CHD1L: variants seen among roughly 807,000 people sequenced by gnomAD.
CHD1L encodes the protein chromodomain helicase DNA binding protein 1 like.
Under a neutral mutation model 115.9 loss-of-function variants are expected in CHD1L, and 118 were observed. That is an observed-to-expected ratio of 1.02 (90% CI 0.88 to 1.19). CHD1L has a LOEUF of 1.19. Among genes scored for constraint, CHD1L ranks in the 50% most tolerant of loss-of-function variants. CHD1L has a pLI of 0.00. For synonymous variants in CHD1L, 411 were observed against 387.1 expected, an observed-to-expected ratio of 1.06 and a Z score of -0.72; for missense variants, 1,179 against 1,065.3, an observed-to-expected ratio of 1.11 and a Z score of -1.49.
chr1:147,281,417 A>G (rs587727374), intron 15 of CHD1L, among the ~76,000 whole-genome samples: 1 of 152,130 alleles, frequency 6.6e-6, no homozygotes, highest in East Asian at 1.9e-4. Flanking sequence ...TGAAGTGTGT[A>G]ATATTTTCTG....
the CHD1L span, among the ~76,000 whole-genome samples, chr1:147,219,722 G>A: frequency 1.3e-5 from 2 of 150,096 alleles, no homozygotes; most frequent in East Asian, 3.9e-4. Flanking sequence ...GACCGTCTAT[G>A]TAGAAAATCC....
At chr1:147,292,197 C>T (rs1685793821) in intron 20 of CHD1L, among the ~76,000 whole-genome samples, 1 of 152,336 alleles carries the variant, frequency 6.6e-6, no homozygotes, top group African/African-American at 2.4e-5. Flanking sequence ...TAAACATTTA[C>T]TGCATGAGTA....
the CHD1L span, among the ~76,000 whole-genome samples, chr1:147,233,368 G>GT: frequency 6.6e-6 from 1 of 151,280 alleles, no homozygotes; most frequent in Admixed American, 6.6e-5. Context: ...CGTCCGGGAG[G>GT]GAGGTGGGGG....
At chr1:147,294,079 AC>A (rs1686646121) in intron 21 of CHD1L, among the ~76,000 whole-genome samples, 1 of 152,220 alleles carries the variant, frequency 6.6e-6, no homozygotes, top group African/African-American at 2.4e-5. Context: ...CAGTTCTTCG[AC>A]AAAAATTGAG....
At chr1:147,280,246 A>C (rs2102824090) in intron 15 of CHD1L, 55 bp downstream of exon 15, 2,984 of 1,478,292 alleles carry the variant, frequency 2.0e-3, no homozygotes, top group Non-Finnish European at 2.5e-3. Flanking sequence ...GCTAGAGCTC[A>C]CGTCCCCATG....
chr1:147,237,287 G>A, the CHD1L span, among the ~76,000 whole-genome samples: 1 of 152,154 alleles, frequency 6.6e-6, no homozygotes, highest in Non-Finnish European at 1.5e-5. Context: ...CCCCAAGAGT[G>A]CAGAGATGCC....
chr1:147,287,129 T>C (rs2102936516), intron 18 of CHD1L, among the ~76,000 whole-genome samples: 1 of 152,364 alleles, frequency 6.6e-6, no homozygotes, highest in South Asian at 2.1e-4. Flanking sequence ...CTGCTGTGAC[T>C]GTGGTGCCTA....
the CHD1L span, chr1:147,186,881 G>C: frequency 6.3e-7 from 1 of 1,595,504 alleles, no homozygotes; most frequent in Non-Finnish European, 8.5e-7. Flanking sequence ...TGAAAAACAG[G>C]GCAGTGACAA....
At chr1:147,190,048 T>C in the CHD1L span, 1 of 596,866 alleles carries the variant, frequency 1.7e-6, no homozygotes, top group East Asian at 2.9e-5. Flanking sequence ...CAAATTATTT[T>C]TCCTTTTTTC....
Position 147,242,891 on chromosome 1 carries a change from G to A in CHD1L, c.127+61G>A, listed in dbSNP as rs1372086458. ...CCAACCTATTGGGACTGCCTCTTGC[G>A]GGCCGGGGGCGCAGCGGGTGGGCCG... On this transcript the variant is annotated intron_variant, in intron 1 of 22. Coordinates refer to ENST00000369258, the MANE Select transcript of CHD1L (RefSeq NM_004284.6). 4 of 1,242,162 alleles carry A rather than the reference G, an allele frequency of 3.2e-6. No homozygotes were observed. In the East Asian group the frequency reaches 9.4e-5, roughly 29 times the overall value. 76.9% of individuals were successfully genotyped at this position (1,242,162 alleles called of 1,614,324 possible). A position where few individuals can be genotyped will look rare whatever the true frequency, so the allele number is the denominator to read the frequency against.
At chr1:147,259,270 A>G (rs1257792432) in intron 5 of CHD1L, 3 of 152,200 alleles carry the variant, frequency 2.0e-5, no homozygotes, top group Non-Finnish European at 4.4e-5. Flanking sequence ...CATGTCAACA[A>G]ATTCAGTGGA....
chr1:147,295,562 G>C lies in CHD1L; in HGVS notation c.*53G>C. ...TTAGCAACCAGCTAATATTTACCCA[G>C]AGGTACTGCAATAGAGTATTTCAAA... On this transcript the variant is annotated 3_prime_UTR_variant, in exon 23 of 23. Transcript: ENST00000369258. 7.7e-7 allele frequency: 1 copy of C among 1,292,566 alleles called. No homozygotes were observed. Among genetic ancestry groups the C allele is most frequent in the South Asian group, 1.2e-5 (1 of 81,700 alleles). The allele number at this position is 1,292,566 out of a possible 1,614,324, so 80.1% of individuals were successfully genotyped here.
At chr1:147,256,039 G>C (rs587731951) in intron 4 of CHD1L, 112 bp downstream of exon 4, 6 of 610,564 alleles carry the variant, frequency 9.8e-6, no homozygotes, top group Non-Finnish European at 1.4e-5. Flanking sequence ...TTCTGGGCAG[G>C]GAGTCTACCT....
At chr1:147,191,954 A>G in the CHD1L span, among the ~76,000 whole-genome samples, 33 of 152,000 alleles carry the variant, frequency 2.2e-4, no homozygotes, top group East Asian at 3.5e-3. Context: ...TGATGCCTCC[A>G]GCTTTGTTCT....
At chr1:147,224,963 C>T in the CHD1L span, 12 of 1,614,058 alleles carry the variant, frequency 7.4e-6, no homozygotes, top group African/African-American at 8.0e-5. Flanking sequence ...CCTTCTTCTA[C>T]GCAGCACTTG....
intron 12 of CHD1L, among the ~76,000 whole-genome samples, chr1:147,273,039 A>T (rs1346635847): frequency 1.3e-5 from 2 of 152,064 alleles, no homozygotes; most frequent in Non-Finnish European, 2.9e-5. Flanking sequence ...GTCTCTACTT[A>T]AAAAAATACA....
intron 18 of CHD1L, 142 bp from the exon 19 acceptor site, chr1:147,287,493 A>C: frequency 3.5e-6 from 2 of 576,688 alleles, no homozygotes; most frequent in Non-Finnish European, 6.0e-6. Flanking sequence ...CCAACCTGTG[A>C]TATTCCTAGG....
chr1:147,200,464 G>A, the CHD1L span, among the ~76,000 whole-genome samples: 1 of 152,072 alleles, frequency 6.6e-6, no homozygotes, highest in African/African-American at 2.4e-5. Flanking sequence ...GTATCATTAG[G>A]TGTGGTCTGG....
intron 15 of CHD1L, among the ~76,000 whole-genome samples, chr1:147,281,752 T>A: frequency 6.6e-6 from 1 of 151,998 alleles, no homozygotes; most frequent in Non-Finnish European, 1.5e-5. Context: ...TAAAAAGTAT[T>A]TCTCTTCCCA....
Sources: allele counts gnomAD v4.1 joint callset (sites outside exome capture counted in the v4.1 genomes callset), GRCh38; gene constraint gnomAD v4.1.1; transcripts MANE v1.5; gene names NCBI Gene and HGNC (gene_info 2026-07-23, HGNC 2026-07-21).